Variants in CDC42BPA observed in about 807,000 individuals in gnomAD.
CDC42BPA encodes the protein serine/threonine-protein kinase MRCK alpha.
CDC42BPA carries 80 observed loss-of-function variants against 223.5 expected under a neutral mutation model. That is an observed-to-expected ratio of 0.36 (90% CI 0.30 to 0.43). The LOEUF (loss-of-function observed/expected upper bound fraction) is 0.43, where lower values mean the gene tolerates loss of function less well. Among genes scored for constraint, CDC42BPA ranks in the 20% least tolerant of loss-of-function variants. The pLI, the probability that CDC42BPA is intolerant of heterozygous loss-of-function variation, is 1.00. For missense variants in CDC42BPA, 1,743 were observed against 2,099.9 expected (o/e 0.83, Z 3.32); for synonymous variants, 694 against 718.6 (o/e 0.97, Z 0.55).
intron 17 of CDC42BPA, among the ~76,000 whole-genome samples, chr1:227,079,848 T>C (rs1361019981): frequency 6.6e-6 from 1 of 150,654 alleles, no homozygotes; most frequent in Non-Finnish European, 1.5e-5. Flanking sequence ...CCAAAAGTAT[T>C]TTGGATTTCA....
intron 1 of CDC42BPA, among the ~76,000 whole-genome samples, chr1:227,313,388 AAGAG>A (rs1290923565): frequency 6.6e-6 from 1 of 152,196 alleles, no homozygotes; most frequent in Admixed American, 6.5e-5. Flanking sequence ...TTCTCTTAAA[AAGAG>A]AGAGACAAAC....
intron 5 of CDC42BPA, among the ~76,000 whole-genome samples, chr1:227,192,032 A>G (rs1292267507): frequency 6.6e-6 from 1 of 152,160 alleles, no homozygotes; most frequent in East Asian, 1.9e-4. Context: ...TTCAATAAAA[A>G]CTGTGACAAT....
chr1:227,091,111 T>G (rs570201226), intron 16 of CDC42BPA, among the ~76,000 whole-genome samples: 2 of 152,300 alleles, frequency 1.3e-5, no homozygotes, highest in Admixed American at 1.3e-4. Context: ...TTACAATTTC[T>G]CCAGGTTTGG....
intron 1 of CDC42BPA, among the ~76,000 whole-genome samples, chr1:227,257,243 G>A (rs1683233560): frequency 6.6e-6 from 1 of 152,012 alleles, no homozygotes; most frequent in Admixed American, 6.6e-5. Flanking sequence ...TAATGAAAAA[G>A]TTTTAGAGAC....
rs996572366 is a variant in CDC42BPA at position 227,028,712 on chromosome 1, C to A, written c.4377G>T (p.Gln1459His). 6.9e-6 allele frequency: 11 copies of A among 1,604,374 alleles called. No individual in the cohort carries two copies. The South Asian group carries it at 1.0e-4, about 15-fold the overall frequency. ...FNSIGIYTDCQGRRSRQQELM... is the reference protein window; with the variant it reads ...FNSIGIYTDCHGRRSRQQELM... ...ATTCCTGTTGTCTAGATCTTCGGCC[C>A]TGGCAGTCAGTGTATATCCCAATGC... The change falls in exon 30 of 37, where the codon CAG becomes CAT. Residue 1459 changes from glutamine (Q) to histidine (H), a missense_variant. Gln to His is a conservative substitution (Grantham distance 24). Around this residue, in one of 6 missense-constraint regions of CDC42BPA, gnomAD observed 678 missense variants for 777.5 expected, o/e 0.87. Transcript: ENST00000366766.
chr1:227,191,969 T>A (rs200089919), intron 5 of CDC42BPA, among the ~76,000 whole-genome samples: 7 of 148,030 alleles, frequency 4.7e-5, no homozygotes, highest in Admixed American at 6.7e-5. Flanking sequence ...AAATTTAAAT[T>A]AAAAAAAAAA....
intron 10 of CDC42BPA, among the ~76,000 whole-genome samples, chr1:227,138,435 C>T (rs1468493682): frequency 7.2e-6 from 1 of 138,182 alleles, no homozygotes; most frequent in Non-Finnish European, 1.5e-5. Flanking sequence ...ATTCAAAGGT[C>T]GAAGAGTTAA....
rs917515448 is a variant in CDC42BPA at position 226,994,308 on chromosome 1, A to C, written c.5225T>G (p.Leu1742Arg). 1 of 1,596,514 alleles carries C rather than the reference A, an allele frequency of 6.3e-7. No homozygotes were observed. Among genetic ancestry groups the C allele is most frequent in the Non-Finnish European group, 8.5e-7 (1 of 1,170,052 alleles). The change falls in exon 37 of 37, where the codon CTC becomes CGC. Residue 1742 changes from leucine (L) to arginine (R), a missense_variant. By Grantham distance (102) the Leu-to-Arg change is moderately radical (BLOSUM62 -2). Coordinates refer to ENST00000366766, the MANE Select transcript of CDC42BPA (RefSeq NM_001394014.1). This position sits in a 1 kb window ranked among gnomAD's most constrained non-coding sequence, Gnocchi z 4.0. ...CCCGCGGTCAGTGCTCTCCAGGGAG[A>C]GGCTCTTGGTTTTTCGGGGTGAAGC... is the stretch of plus-strand genomic sequence containing the variant. ...SPASPRKTKS[L>R]SLESTDRGSW...
chr1:227,209,698 G>A (rs1347990068), intron 3 of CDC42BPA, among the ~76,000 whole-genome samples: 1 of 148,038 alleles, frequency 6.8e-6, no homozygotes, highest in Non-Finnish European at 1.5e-5. Flanking sequence ...TGCATCCCAG[G>A]GATGAAGCCC....
Position 227,081,027 on chromosome 1 carries a change from A to G in CDC42BPA, c.2356-10T>C, listed in dbSNP as rs1680519510. 6.2e-7 allele frequency: 1 copy of G among 1,613,040 alleles called. No homozygotes were observed. The highest frequency in any genetic ancestry group is 8.5e-7 in the Non-Finnish European group (1 of 1,179,550). On this transcript the variant is annotated splice_polypyrimidine_tract_variant and intron_variant, in intron 16 of 36. Coordinates refer to ENST00000366766, the MANE Select transcript of CDC42BPA (RefSeq NM_001394014.1). Reference sequence around the variant, plus strand: ...CATACAAAGTAGTAAGCTGAAAGATAGTTTTAAGACATGCATGACTTTTAG... The same window carrying G: ...CATACAAAGTAGTAAGCTGAAAGATGGTTTTAAGACATGCATGACTTTTAG...
intron 23 of CDC42BPA, among the ~76,000 whole-genome samples, chr1:227,040,613 G>A (rs1671181090): frequency 6.6e-6 from 1 of 152,058 alleles, no homozygotes. Flanking sequence ...ACAAATATAG[G>A]ATTTTAATAT....
At chr1:227,047,416 T>C (rs1194371741) in intron 23 of CDC42BPA, among the ~76,000 whole-genome samples, 1 of 152,186 alleles carries the variant, frequency 6.6e-6, no homozygotes, top group Non-Finnish European at 1.5e-5. Flanking sequence ...CATTTTGTGG[T>C]TTATCCAAGG....
At chr1:227,000,008 T>G (rs1412138783) in intron 35 of CDC42BPA, among the ~76,000 whole-genome samples, 8 of 151,716 alleles carry the variant, frequency 5.3e-5, no homozygotes, top group Non-Finnish European at 1.0e-4. Flanking sequence ...AGATGACGGG[T>G]TGATGGGTGC....
intron 10 of CDC42BPA, among the ~76,000 whole-genome samples, chr1:227,134,828 A>G (rs1475599258): frequency 2.0e-5 from 3 of 152,222 alleles, no homozygotes; most frequent in Non-Finnish European, 2.9e-5. Flanking sequence ...AAGAATTCAA[A>G]ACATTTAAAA....
chr1:227,253,585 A>G (rs1273344091), intron 2 of CDC42BPA, among the ~76,000 whole-genome samples: 9 of 150,384 alleles, frequency 6.0e-5, no homozygotes. Flanking sequence ...AACAGAGGGA[A>G]ACTCCATCTC....
chr1:227,181,778 T>A (rs961837100), intron 5 of CDC42BPA, among the ~76,000 whole-genome samples: 8 of 152,132 alleles, frequency 5.3e-5, no homozygotes, highest in African/African-American at 1.9e-4. Flanking sequence ...AAAATTGAGA[T>A]GAACATCTGT....
rs189167734 is a variant in CDC42BPA, at chr1:227,172,221, T to G, written c.600-11585A>C. Among the ~76,000 whole-genome samples the G allele has an allele frequency of 7.9e-5, 12 of 152,322 alleles. No individual in the cohort carries two copies. The East Asian group carries it at 2.3e-3, about 29-fold the overall frequency. The stretch of plus-strand genomic sequence containing the variant: ...ATTAGAATTCTTTATGGAACATTAA[T>G]TTGGGGTTCATCCTACATTTGAGAA... On this transcript the variant is annotated intron_variant, in intron 5 of 36. Coordinates refer to ENST00000366766, the MANE Select transcript of CDC42BPA (RefSeq NM_001394014.1).
Position 227,147,383 on chromosome 1 carries a change from T to C in CDC42BPA, c.870A>G (p.Thr290=), listed in dbSNP as rs56311356. The C allele has an allele frequency of 6.5e-3, 10,508 of 1,611,186 alleles. 45 individuals are homozygous for C. Among genetic ancestry groups the C allele is most frequent in the Non-Finnish European group, 7.8e-3 (9,148 of 1,178,738 alleles). Residue 290 remains threonine (T), a synonymous_variant, in exon 7 of 37, where the codon ACA becomes ACG. Transcript: ENST00000366766. ...CTTTGTGGTTCATGATTTTTCCGTA[T>C]GTCTCCACCAGCGATTCTGCATAAA... ...TPFYAESLVE[T]YGKIMNHKER... is the part of the protein sequence containing the mutation.
At chr1:227,052,616 T>A (rs56781510) in intron 21 of CDC42BPA, among the ~76,000 whole-genome samples, 43,074 of 151,940 alleles carry the variant, frequency 0.28, 6,316 homozygotes, top group African/African-American at 0.35. Context: ...CATACTAGTC[T>A]GTATGGCAAG....
Sources: allele counts gnomAD v4.1 joint callset (sites outside exome capture counted in the v4.1 genomes callset), GRCh38; gene constraint gnomAD v4.1.1; regional missense constraint gnomAD v4.1.1; non-coding constraint Gnocchi (gnomAD v3.1); transcripts MANE v1.5; gene names NCBI Gene and HGNC (gene_info 2026-07-23, HGNC 2026-07-21).